Variants in TEX9 observed in about 807,000 individuals in gnomAD.
TEX9 encodes the protein testis-expressed protein 9.
Under a neutral mutation model 59.6 loss-of-function variants are expected in TEX9, and 74 were observed. That is an observed-to-expected ratio of 1.24 (90% CI 1.03 to 1.51). The LOEUF is 1.51. Among genes scored for constraint, TEX9 ranks in the 40% most tolerant of loss-of-function variants. The probability of loss-of-function intolerance (pLI) is 0.00; values close to 1 mark genes in which losing one functional copy is unlikely to be tolerated. For missense variants in TEX9, 522 were observed against 447.8 expected, an observed-to-expected ratio of 1.17 and a Z score of -1.49; for synonymous variants, 186 against 152.2, an observed-to-expected ratio of 1.22 and a Z score of -1.64.
At chr15:56,396,473 C>G (rs1296077183) in intron 9 of TEX9, 5 of 151,998 alleles carry the variant, frequency 3.3e-5, no homozygotes, top group Admixed American at 3.3e-4. Flanking sequence ...AATTCCACCA[C>G]CAGGCAACCA....
chr15:56,425,277 C>T (rs1231301621), intron 10 of TEX9, among the ~76,000 whole-genome samples: 4 of 152,188 alleles, frequency 2.6e-5, no homozygotes, highest in Non-Finnish European at 4.4e-5. Context: ...CCATTTCTTT[C>T]CTTAAATTTG....
chr15:56,245,267 C>T (rs1347344974), intron 1 of TEX9, among the ~76,000 whole-genome samples: 1 of 152,118 alleles, frequency 6.6e-6, no homozygotes, highest in East Asian at 1.9e-4. Flanking sequence ...GACTTAAGGC[C>T]CAGACTCACA....
chr15:56,456,416 T>A, the TEX9 span: 1 of 1,609,594 alleles, frequency 6.2e-7, no homozygotes. Context: ...ACTTGTTGCC[T>A]CATCTTTTCG....
At chr15:56,345,222 G>T (rs147624724) in intron 1 of TEX9, among the ~76,000 whole-genome samples, 1 of 151,872 alleles carries the variant, frequency 6.6e-6, no homozygotes, top group East Asian at 1.9e-4. Context: ...TTGGGGGTGG[G>T]GAAAGGAATG....
chr15:56,429,465 C>G (rs1406175726), intron 12 of TEX9: 1 of 310,530 alleles, frequency 3.2e-6, no homozygotes, highest in Non-Finnish European at 5.8e-6. Context: ...AGTTCTACTG[C>G]TTGGATTACC....
At chr15:56,408,457 T>G (rs911471455) in intron 9 of TEX9, 1 of 152,236 alleles carries the variant, frequency 6.6e-6, no homozygotes, top group African/African-American at 2.4e-5. Context: ...TCTGTCTATA[T>G]CTAATCCTTA....
At chr15:56,365,646 T>A (rs780172659) in exon 2 of TEX9, 1 of 1,614,172 alleles carries the variant, frequency 6.2e-7, no homozygotes, top group South Asian at 1.1e-5. Flanking sequence ...GGACCCGACC[T>A]CCTCGCCTTG....
intron 9 of TEX9, among the ~76,000 whole-genome samples, chr15:56,411,754 T>C (rs2049361757): frequency 6.6e-6 from 1 of 152,192 alleles, no homozygotes; most frequent in African/African-American, 2.4e-5. Flanking sequence ...CCTAGGATGT[T>C]TGCAGAAATA....
At chr15:56,258,476 T>C (rs1472449440) in intron 1 of TEX9, among the ~76,000 whole-genome samples, 1 of 152,120 alleles carries the variant, frequency 6.6e-6, no homozygotes, top group African/African-American at 2.4e-5. Flanking sequence ...AGCAGTGATT[T>C]GTAGTTATCC....
intron 1 of TEX9, among the ~76,000 whole-genome samples, chr15:56,274,934 G>A (rs184086992): frequency 2.0e-5 from 3 of 152,226 alleles, no homozygotes; most frequent in Admixed American, 1.3e-4. Flanking sequence ...TCAGGTTTTA[G>A]CCTTCCCTGT....
chr15:56,445,646 C>A (rs531365727), intron 12 of TEX9: 1 of 151,416 alleles, frequency 6.6e-6, no homozygotes, highest in African/African-American at 2.4e-5. Flanking sequence ...ACACACTTAC[C>A]GAAAACAATG....
At chr15:56,438,155 C>A (rs777352487) in intron 12 of TEX9, among the ~76,000 whole-genome samples, 39 of 152,114 alleles carry the variant, frequency 2.6e-4, no homozygotes, top group Non-Finnish European at 2.9e-4. Flanking sequence ...GCCACATTGC[C>A]AAGACAATCC....
intron 1 of TEX9, among the ~76,000 whole-genome samples, chr15:56,265,163 C>CTTT (rs201903728): frequency 1.4e-4 from 19 of 134,284 alleles, no homozygotes; most frequent in African/African-American, 4.3e-4. Flanking sequence ...CCTTTTCTTT[C>CTTT]TTTTTTTTTT....
intron 10 of TEX9, among the ~76,000 whole-genome samples, chr15:56,420,135 G>A (rs1397386239): frequency 6.6e-6 from 1 of 151,418 alleles, no homozygotes; most frequent in Non-Finnish European, 1.5e-5. Context: ...TCTCATTCTT[G>A]TATTGGTAAT....
chr15:56,404,245 G>T (rs547292767), intron 9 of TEX9, among the ~76,000 whole-genome samples: 1 of 152,066 alleles, frequency 6.6e-6, no homozygotes, highest in African/African-American at 2.4e-5. Context: ...TCTGACAAAC[G>T]GCTAATATAT....
At chr15:56,332,272 A>G (rs1356415165) in intron 1 of TEX9, among the ~76,000 whole-genome samples, 13 of 151,458 alleles carry the variant, frequency 8.6e-5, no homozygotes, top group Non-Finnish European at 1.8e-4. Flanking sequence ...CACATACACC[A>G]TGGAATACTA....
rs1567086973 is a variant in TEX9 at position 56,327,230 on chromosome 15, T to C, written c.-106-46211T>C. 2.6e-5 allele frequency among the ~76,000 whole-genome samples: 4 copies of C among 152,234 alleles called. No individual in the cohort carries two copies. In the South Asian group the frequency reaches 6.2e-4, roughly 24 times the overall value. On this transcript the variant is annotated intron_variant, in intron 1 of 5. Coordinates refer to the TEX9 transcript ENST00000560827. ...AATCAATATGAATCTGCTCATATTA[T>C]TACTGATGATATAGTACGCCATAAT...
intron 1 of TEX9, among the ~76,000 whole-genome samples, chr15:56,265,354 G>A (rs771029956): frequency 9.3e-5 from 14 of 150,870 alleles, no homozygotes; most frequent in Admixed American, 4.6e-4. Flanking sequence ...TTTATTTTTT[G>A]TAGAGACAGG....
chr15:56,405,857 A>C (rs995079356), intron 9 of TEX9, among the ~76,000 whole-genome samples: 14 of 152,322 alleles, frequency 9.2e-5, no homozygotes, highest in African/African-American at 3.1e-4. Context: ...GCTAATGCTA[A>C]CAGATGGAGT....
Sources: gnomAD v4.1 joint callset for allele counts (sites outside exome capture counted in the v4.1 genomes callset) on GRCh38, gnomAD v4.1.1 for gene constraint, MANE v1.5 for transcripts, NCBI Gene and HGNC (gene_info 2026-07-23, HGNC 2026-07-21) for gene names.